Variants in EHMT1 observed in about 807,000 individuals in gnomAD.
EHMT1 encodes the protein histone-lysine N-methyltransferase EHMT1.
In EHMT1, 15 loss-of-function variants were observed where a neutral mutation model predicts 147.2. The ratio of observed to expected loss-of-function variants is 0.10; its 90% CI spans 0.07 to 0.16. EHMT1 has a LOEUF of 0.16. EHMT1 is among the 10% of genes least tolerant of loss of function. The pLI is 1.00. For missense variants in EHMT1, 1,587 were observed against 1,772.4 expected (o/e 0.90, Z 1.88); for synonymous variants, 795 against 709.6 (o/e 1.12, Z -1.91).
intron 6 of EHMT1, among the ~76,000 whole-genome samples, chr9:137,750,230 A>G (rs1198530889): frequency 2.0e-5 from 3 of 148,322 alleles, no homozygotes; most frequent in Non-Finnish European, 3.0e-5. Context: ...AGTAAAATCA[A>G]TAAATGTCTA....
At chr9:137,817,549 C>T in intron 24 of EHMT1, 24 bp downstream of exon 24, 2 of 1,613,906 alleles carry the variant, frequency 1.2e-6, no homozygotes, top group Non-Finnish European at 1.7e-6. Flanking sequence ...TGGGTCACCC[C>T]AAGCCTGGTG....
At chr9:137,737,365 A>G (rs1221206422) in intron 4 of EHMT1, among the ~76,000 whole-genome samples, 1 of 152,240 alleles carries the variant, frequency 6.6e-6, no homozygotes, top group Non-Finnish European at 1.5e-5. Context: ...GTGTTATATG[A>G]TCAGTTGATT....
intron 3 of EHMT1, among the ~76,000 whole-genome samples, chr9:137,726,087 C>CGTGT (rs34091165): frequency 0.016 from 2,479 of 150,718 alleles, 24 homozygotes; most frequent in Non-Finnish European, 0.024. Context: ...GGTGCCTTGT[C>CGTGT]GTGTGTGTGT....
rs560560575 is a variant in EHMT1, at chr9:137,822,764, A to G, written c.3540+4626A>G. ...AAAAATTAGCCGGGTGTGGTGGCGC[A>G]TGCCTGTAATCCCAGTTACTCGGGA... On this transcript the variant is annotated intron_variant, in intron 25 of 26. Transcript: ENST00000460843. 9.2e-5 allele frequency among the ~76,000 whole-genome samples: 14 copies of G among 152,036 alleles called. No homozygotes were observed. In the East Asian group the frequency reaches 2.0e-3, roughly 21 times the overall value.
At chr9:137,728,317 A>C (rs1051773589) in intron 3 of EHMT1, 32 bp from the exon 4 acceptor site, 1 of 1,613,986 alleles carries the variant, frequency 6.2e-7, no homozygotes, top group Non-Finnish European at 8.5e-7. Context: ...CTGCTTATGC[A>C]GTTATAGTTA....
chr9:137,791,852 C>T (rs113382187), intron 16 of EHMT1, among the ~76,000 whole-genome samples: 30 of 152,340 alleles, frequency 2.0e-4, no homozygotes, highest in African/African-American at 7.2e-4. Flanking sequence ...CTGCCTCAGC[C>T]TCCCTAGTAG....
At position 137,818,040 on chromosome 9, in the gene EHMT1, C is replaced by T. The variant is rs376440911; in HGVS notation, c.3462-20C>T. The T allele has an allele frequency of 6.2e-7, 1 of 1,613,986 alleles. No homozygotes were observed. On this transcript the variant is annotated intron_variant, in intron 24 of 26. Coordinates refer to ENST00000460843, the MANE Select transcript of EHMT1 (RefSeq NM_024757.5). ...TGCTCGCTGCCTTCCAGGGCCTCAC[C>T]TGCACCGCACCCTCTGCAGGTATGT... is the stretch of plus-strand genomic sequence containing the variant.
Position 137,782,497 on chromosome 9 carries a change from T to A in EHMT1, c.2382+100T>A. ...GTTCGCGGTTCTTCCAGTGTAAGAGTTCCGTAGTGCTGTGAATCGGGCACA... is the reference window on the plus strand; with the variant it reads ...GTTCGCGGTTCTTCCAGTGTAAGAGATCCGTAGTGCTGTGAATCGGGCACA... On this transcript the variant is annotated intron_variant, in intron 15 of 26. Transcript: ENST00000460843. This position sits in a 1 kb window ranked among gnomAD's most constrained non-coding sequence, Gnocchi z 5.7. 1.8e-6 allele frequency: 2 copies of A among 1,133,184 alleles called. No homozygotes were observed. Among genetic ancestry groups the A allele is most frequent in the South Asian group, 2.7e-5 (2 of 75,358 alleles). The allele number at this position is 1,133,184 out of a possible 1,614,324, so 70.2% of individuals were successfully genotyped here.
intron 1 of EHMT1, among the ~76,000 whole-genome samples, chr9:137,663,385 T>C (rs1047898965): frequency 3.3e-5 from 5 of 152,260 alleles, no homozygotes; most frequent in Non-Finnish European, 7.4e-5. Context: ...GGTGGGTTAA[T>C]GGGTGCTGAC....
rs1174749765 is a variant in EHMT1, at chr9:137,786,437, T to G, written c.2382+4040T>G. 1 of 152,352 alleles carries G rather than the reference T, an allele frequency of 6.6e-6. No individual in the cohort carries two copies. Among genetic ancestry groups the G allele is most frequent in the Non-Finnish European group, 1.5e-5 (1 of 68,136 alleles). The allele number at this position is 152,352 out of a possible 1,614,324, so 9.4% of individuals were successfully genotyped here. ...TCCAAGGGTGCTGTTTCTCAGGGTT[T>G]CAGCATCTGCAGGGGTGTCTCACAT... is the stretch of plus-strand genomic sequence containing the variant. On this transcript the variant is annotated intron_variant, in intron 15 of 26. Transcript: ENST00000460843. The surrounding 1 kb of genome is among the most constrained non-coding windows in gnomAD (Gnocchi z 4.3).
rs529944783 is a variant in EHMT1 at position 137,645,152 on chromosome 9, C to T, written c.21+26103C>T. ...CCTCCCGAAGTGCTGGGATTACAGG[C>T]GTGAGCCGCCACGGCCTGCTTATTT... On this transcript the variant is annotated intron_variant, in intron 1 of 26. Coordinates refer to ENST00000460843, the MANE Select transcript of EHMT1 (RefSeq NM_024757.5). Among the ~76,000 whole-genome samples the T allele has an allele frequency of 2.1e-4, 32 of 152,344 alleles. No individual in the cohort carries two copies. In the South Asian group the frequency reaches 2.3e-3, roughly 11 times the overall value.
chr9:137,707,631 GGAT>G (rs1454428898), intron 1 of EHMT1, among the ~76,000 whole-genome samples: 5 of 152,212 alleles, frequency 3.3e-5, no homozygotes, highest in Non-Finnish European at 7.3e-5. Context: ...GCAGAATGGT[GGAT>G]GATTCTAGAC....
chr9:137,829,452 T>G (rs2133053271), intron 25 of EHMT1, among the ~76,000 whole-genome samples: 1 of 152,362 alleles, frequency 6.6e-6, no homozygotes. Flanking sequence ...GCTGATACAG[T>G]GTAAAGTTAG....
chr9:137,719,008 C>T (rs1313709327), intron 3 of EHMT1, among the ~76,000 whole-genome samples: 2 of 152,118 alleles, frequency 1.3e-5, no homozygotes, highest in African/African-American at 4.8e-5. Context: ...GCGCCTCGGC[C>T]TCCCAGAGTG....
At chr9:137,746,142 G>C (rs4876929) in intron 6 of EHMT1, 43,750 of 152,410 alleles carry the variant, frequency 0.29, 6,826 homozygotes, top group Admixed American at 0.41. Context: ...TGGGGACAGG[G>C]TCTCACTCTG....
At chr9:137,662,022 G>A (rs1369255758) in intron 1 of EHMT1, among the ~76,000 whole-genome samples, 7 of 151,756 alleles carry the variant, frequency 4.6e-5, no homozygotes, top group African/African-American at 9.7e-5. Flanking sequence ...GGCTGGTCTC[G>A]AACTCCTGAC....
chr9:137,631,933 G>A (rs890924526), intron 1 of EHMT1, among the ~76,000 whole-genome samples: 7 of 152,148 alleles, frequency 4.6e-5, no homozygotes, highest in African/African-American at 1.7e-4. Flanking sequence ...GCCTAATCAC[G>A]TCGTGGGCAT....
intron 10 of EHMT1, among the ~76,000 whole-genome samples, chr9:137,772,032 T>C (rs1402403774): frequency 5.9e-5 from 9 of 151,708 alleles, no homozygotes; most frequent in Admixed American, 5.9e-4. Context: ...GCAGAGCCTG[T>C]GGGCCCTGCA....
intron 1 of EHMT1, among the ~76,000 whole-genome samples, chr9:137,619,749 C>G (rs144670238): frequency 1.9e-4 from 29 of 152,152 alleles, no homozygotes; most frequent in Non-Finnish European, 4.0e-4. Context: ...CTCGGCCTTC[C>G]CCGTGCTCAT....
Sources: allele counts gnomAD v4.1 joint callset (sites outside exome capture counted in the v4.1 genomes callset), GRCh38; gene constraint gnomAD v4.1.1; non-coding constraint Gnocchi (gnomAD v3.1); transcripts MANE v1.5; gene names NCBI Gene and HGNC (gene_info 2026-07-23, HGNC 2026-07-21).